The following GHR variants were observed in gnomAD, a reference collection of about 807,000 sequenced individuals.
GHR encodes GH receptor.
Under a neutral mutation model 67.1 loss-of-function variants are expected in GHR, and 35 were observed. The observed-to-expected ratio is 0.52, with a 90% CI of 0.40 to 0.69. The LOEUF (loss-of-function observed/expected upper bound fraction) is 0.69. Ranked by LOEUF, GHR falls within the 30% of genes least tolerant of loss-of-function variation. GHR has a pLI of 0.00. For missense variants in GHR, 792 were observed against 764.6 expected, an observed-to-expected ratio of 1.04 and a Z score of -0.42; for synonymous variants, 272 against 269.1, an observed-to-expected ratio of 1.01 and a Z score of -0.10.
intron 1 of GHR, among the ~76,000 whole-genome samples, chr5:42,550,425 T>C (rs1287149998): frequency 1.3e-5 from 2 of 152,204 alleles, no homozygotes; most frequent in African/African-American, 4.8e-5. Flanking sequence ...CCTAGGCTTC[T>C]AGACATTCTG....
intron 2 of GHR, among the ~76,000 whole-genome samples, chr5:42,603,843 T>G (rs751782607): frequency 6.6e-6 from 1 of 152,158 alleles, no homozygotes; most frequent in Non-Finnish European, 1.5e-5. Flanking sequence ...ATCCTACAGA[T>G]TGGGGGCTCA....
intron 1 of GHR, among the ~76,000 whole-genome samples, chr5:42,519,936 G>C (rs565280087): frequency 6.6e-6 from 1 of 152,204 alleles, no homozygotes; most frequent in African/African-American, 2.4e-5. Flanking sequence ...ACTAAGACAT[G>C]CATGCATGTA....
In GHR at chr5:42,688,744, T is replaced by C. The variant is rs190350590; in HGVS notation, c.137-146T>C. 8.3e-5 allele frequency: 67 copies of C among 809,340 alleles called. No homozygotes were observed. The East Asian group carries it at 1.6e-3, about 19-fold the overall frequency. 50.1% of individuals were successfully genotyped at this position (809,340 alleles called of 1,614,324 possible). On this transcript the variant is annotated intron_variant, in intron 3 of 9. Transcript: ENST00000230882. Reference sequence around the variant, plus strand: ...AACTATGACCCAGGAAAAATGCTTTTCTGGAAGACATCGGCATTACCTCCT... The same window carrying C: ...AACTATGACCCAGGAAAAATGCTTTCCTGGAAGACATCGGCATTACCTCCT...
At chr5:42,695,798 A>T (rs987491205) in intron 5 of GHR, among the ~76,000 whole-genome samples, 1 of 152,342 alleles carries the variant, frequency 6.6e-6, no homozygotes, top group South Asian at 2.1e-4. Flanking sequence ...TGAGTAGCTG[A>T]AATTAGTGCC....
At chr5:42,658,420 T>G (rs1231949859) in intron 3 of GHR, among the ~76,000 whole-genome samples, 1 of 152,178 alleles carries the variant, frequency 6.6e-6, no homozygotes, top group Non-Finnish European at 1.5e-5. Context: ...ATATACAGCA[T>G]ACTCCACAGA....
chr5:42,618,013 T>G (rs1435113182), intron 2 of GHR, among the ~76,000 whole-genome samples: 1 of 152,066 alleles, frequency 6.6e-6, no homozygotes, highest in Admixed American at 6.6e-5. Flanking sequence ...TAACTGAAGT[T>G]AGATTTAGAT....
intron 6 of GHR, among the ~76,000 whole-genome samples, chr5:42,705,503 A>G (rs1390839989): frequency 6.6e-6 from 1 of 152,108 alleles, no homozygotes; most frequent in Non-Finnish European, 1.5e-5. Context: ...TTTCATCACC[A>G]GGTAATAAGC....
At chr5:42,645,264 T>C (rs1754672638) in intron 3 of GHR, among the ~76,000 whole-genome samples, 1 of 152,222 alleles carries the variant, frequency 6.6e-6, no homozygotes, top group Non-Finnish European at 1.5e-5. Flanking sequence ...TCATTGCTTC[T>C]GTTATCTGGC....
intron 1 of GHR, among the ~76,000 whole-genome samples, chr5:42,443,933 C>A (rs1370451816): frequency 2.0e-5 from 3 of 149,142 alleles, no homozygotes; most frequent in African/African-American, 5.0e-5. Context: ...CATGGCCCAG[C>A]CAAGGTGATA....
chr5:42,514,031 G>T, intron 1 of GHR: 1 of 818,870 alleles, frequency 1.2e-6, no homozygotes, highest in South Asian at 5.5e-5. Context: ...TACTGGAAAA[G>T]AAAAATAAAA....
Position 42,504,848 on chromosome 5 carries a change from A to G in GHR, c.-11-61016A>G, listed in dbSNP as rs188439058. ...GAAACCTCAATCATAGCACTTTTCCAAAAGAGTCTTACCTTATATTCTGGA... is the reference window on the plus strand; with the variant it reads ...GAAACCTCAATCATAGCACTTTTCCGAAAGAGTCTTACCTTATATTCTGGA... On this transcript the variant is annotated intron_variant, in intron 1 of 9. Coordinates refer to ENST00000230882, the MANE Select transcript of GHR (RefSeq NM_000163.5). Among the ~76,000 whole-genome samples the G allele has an allele frequency of 1.1e-3, 166 of 152,338 alleles. 2 individuals carry two copies. Among genetic ancestry groups the G allele is most frequent in the Admixed American group, 9.2e-3 (141 of 15,304 alleles).
chr5:42,469,306 G>A (rs1744892157), intron 1 of GHR, among the ~76,000 whole-genome samples: 3 of 152,210 alleles, frequency 2.0e-5, no homozygotes, highest in Admixed American at 2.0e-4. Context: ...GTTGATAAAG[G>A]AGGAAGTGTA....
chr5:42,696,352 T>C (rs1757672294), intron 5 of GHR, among the ~76,000 whole-genome samples: 1 of 152,192 alleles, frequency 6.6e-6, no homozygotes, highest in Admixed American at 6.5e-5. Context: ...GCAAAGGTGG[T>C]GGCCAAAGGC....
chr5:42,478,305 A>T (rs1688054250), intron 1 of GHR, among the ~76,000 whole-genome samples: 1 of 152,202 alleles, frequency 6.6e-6, no homozygotes, highest in African/African-American at 2.4e-5. Flanking sequence ...TATAGTTTGA[A>T]GTCAGGTAGC....
At chr5:42,570,615 T>C (rs1750241600) in intron 2 of GHR, among the ~76,000 whole-genome samples, 1 of 152,178 alleles carries the variant, frequency 6.6e-6, no homozygotes, top group African/African-American at 2.4e-5. Flanking sequence ...ACAGTTCTAC[T>C]AGCTTCAAAC....
rs1229516411 is a variant in GHR, at chr5:42,719,413, A to C, written c.1906A>C (p.Ile636Leu). The part of the protein sequence containing the change: ...GYVSTDQLNK[I>L]MP The stretch of plus-strand genomic sequence containing the variant: ...TGTGAGCACAGACCAACTGAACAAA[A>C]TCATGCCTTAGCCTTTCTTTGGTTT... Residue 636 changes from isoleucine (I) to leucine (L), a missense_variant, in exon 10 of 10, where the codon ATC (isoleucine) becomes CTC (leucine). Physicochemically the swap from Ile to Leu is conservative, Grantham distance 5 (BLOSUM62 2). Transcript: ENST00000230882. 8 of 1,613,028 alleles carry C rather than the reference A, an allele frequency of 5.0e-6. No individual in the cohort carries two copies. Among genetic ancestry groups the C allele is most frequent in the South Asian group, 2.2e-5 (2 of 91,074 alleles).
At chr5:42,499,411 T>A (rs549935262) in intron 1 of GHR, among the ~76,000 whole-genome samples, 1 of 152,122 alleles carries the variant, frequency 6.6e-6, no homozygotes, top group Non-Finnish European at 1.5e-5. Flanking sequence ...GCCTGGGTGG[T>A]GCCTGTTGTG....
At chr5:42,536,037 C>A (rs960067557) in intron 1 of GHR, among the ~76,000 whole-genome samples, 4 of 152,144 alleles carry the variant, frequency 2.6e-5, no homozygotes, top group Admixed American at 2.0e-4. Flanking sequence ...TTGCTGAATT[C>A]TTTTATCAGT....
intron 1 of GHR, among the ~76,000 whole-genome samples, chr5:42,473,873 CAAA>C (rs532325898): frequency 9.6e-5 from 8 of 83,102 alleles, no homozygotes; most frequent in Admixed American, 1.3e-4. Context: ...GACTTTGTCT[CAAA>C]AAAAAAAAAA....
Sources: gnomAD v4.1 joint callset for allele counts (sites outside exome capture counted in the v4.1 genomes callset) on GRCh38, gnomAD v4.1.1 for gene constraint, MANE v1.5 for transcripts, NCBI Gene and HGNC (gene_info 2026-07-23, HGNC 2026-07-21) for gene names.